Variants in CCDC110 observed in about 807,000 individuals in gnomAD.
The protein encoded by CCDC110 is coiled-coil domain-containing protein 110.
Under a neutral mutation model 77.1 loss-of-function variants are expected in CCDC110, and 70 were observed. The observed-to-expected ratio is 0.91, with a 90% CI of 0.75 to 1.11. The LOEUF is 1.11. Among genes scored for constraint, CCDC110 ranks in the 50% least tolerant of loss-of-function variants. The pLI is 0.00. For missense variants in CCDC110, 868 were observed against 942.9 expected, an observed-to-expected ratio of 0.92 and a Z score of 1.04; for synonymous variants, 295 against 312.5, an observed-to-expected ratio of 0.94 and a Z score of 0.59.
chr4:185,471,433 C>A (rs2095667473), intron 1 of CCDC110: 1 of 475,706 alleles, frequency 2.1e-6, no homozygotes, highest in Admixed American at 4.5e-5. Context: ...CAAGCGGCCA[C>A]CCGAGGGCGC....
At position 185,457,834 on chromosome 4, in the gene CCDC110, ATTCTT is replaced by A. The variant is rs778341132; in HGVS notation, c.2461+287_2461+291del. ...GGAATTCCTAGGGAAAAAAAAAAGA[ATTCTT>A]TTAAGGTGGGAGTGCTACTTATACT... On this transcript the variant is annotated intron_variant, in intron 6 of 6. Coordinates refer to ENST00000307588, the MANE Select transcript of CCDC110 (RefSeq NM_152775.4). 9 of 1,363,214 alleles carry A rather than the reference ATTCTT, an allele frequency of 6.6e-6. No homozygotes were observed. The South Asian group carries it at 1.3e-4, about 19-fold the overall frequency. The allele number at this position is 1,363,214 out of a possible 1,614,324, so 84.4% of individuals were successfully genotyped here.
intron 2 of CCDC110, 45 bp from the exon 3 acceptor site, chr4:185,463,094 T>G: frequency 1.3e-6 from 2 of 1,507,712 alleles, no homozygotes; most frequent in Non-Finnish European, 1.8e-6. Context: ...TTCTTAAATT[T>G]TATTTTTTAA....
chr4:185,460,109 C>T lies in CCDC110; in HGVS notation c.478G>A (p.Val160Ile). The T allele has an allele frequency of 1.2e-6, 2 of 1,613,708 alleles. No homozygotes were observed. Among genetic ancestry groups the T allele is most frequent in the Middle Eastern group, 1.7e-4 (1 of 6,056 alleles). Residue 160 changes from valine to isoleucine, a missense_variant, in exon 6 of 7, where the codon GTT (valine) becomes ATT (isoleucine). Val to Ile is a conservative substitution (Grantham distance 29, BLOSUM62 3). Coordinates refer to ENST00000307588, the MANE Select transcript of CCDC110 (RefSeq NM_152775.4). ...SVNSLPQSVN[V>I]PSQIHSEDTL... The stretch of plus-strand genomic sequence containing the variant: ...TCCTCGGAATGTATCTGGGATGGAA[C>T]ATTTACACTTTGAGGGAGACTGTTC...
rs2095608148 is a variant in CCDC110 at position 185,445,534 on chromosome 4, T to G, written c.2470A>C (p.Lys824Gln). Residue 824 changes from lysine to glutamine, a missense_variant, in exon 7 of 7, where the codon AAA becomes CAA. Transcript: ENST00000307588. ...TGCTTGAGAGTTCTGTCTTTAACTT[T>G]GAAATAACCTATGAAAATAGAAAAT... Reference protein sequence around the residue: ...PLASDLKGYFKVKDRTLKHH With the variant: ...PLASDLKGYFQVKDRTLKHH 5.1e-6 allele frequency: 8 copies of G among 1,560,536 alleles called. No individual in the cohort carries two copies. The highest frequency in any genetic ancestry group is 7.0e-6 in the Non-Finnish European group (8 of 1,138,324).
chr4:185,455,776 G>A lies in CCDC110; in HGVS notation c.2461+2350C>T, dbSNP rs80093682. Among the ~76,000 whole-genome samples the A allele has an allele frequency of 3.2e-3, 485 of 152,122 alleles. 3 individuals carry two copies. The highest frequency in any genetic ancestry group is 0.029 in the East Asian group (151 of 5,182). ...TAGGCGCCTGTAATCTCAGCTACTC[G>A]GGAGGCTGAGGCAGGAGAATTGCTG... On this transcript the variant is annotated intron_variant, in intron 6 of 6. Coordinates refer to ENST00000307588, the MANE Select transcript of CCDC110 (RefSeq NM_152775.4).
rs1458519309 is a variant in CCDC110, at chr4:185,458,952, T to C, written c.1635A>G (p.Gln545=). Reference sequence around the variant, plus strand: ...GAGTTTTGTGTTCCTTACTTTTTAGTTGATCTAATGCTTCCATCATTTGTT... The same window carrying C: ...GAGTTTTGTGTTCCTTACTTTTTAGCTGATCTAATGCTTCCATCATTTGTT... ...EKQQMMEALD[Q]LKSKEHKTQS... Residue 545 remains glutamine, a synonymous_variant, in exon 6 of 7, where the codon CAA becomes CAG. Transcript: ENST00000307588. The C allele has an allele frequency of 3.1e-6, 5 of 1,607,886 alleles. No homozygotes were observed. In the South Asian group the frequency reaches 3.3e-5, roughly 11 times the overall value.
intron 6 of CCDC110, among the ~76,000 whole-genome samples, chr4:185,447,067 G>A (rs2095614132): frequency 6.6e-6 from 1 of 152,042 alleles, no homozygotes; most frequent in Non-Finnish European, 1.5e-5. Context: ...CTCACATGGA[G>A]CTTCTACTGA....
chr4:185,470,729 G>A (rs1267232548), intron 2 of CCDC110: 5 of 637,878 alleles, frequency 7.8e-6, no homozygotes, highest in Admixed American at 4.2e-5. Flanking sequence ...GCAAAATGGG[G>A]ATCGTGGTAG....
chr4:185,454,004 G>T (rs1416963966), intron 6 of CCDC110, among the ~76,000 whole-genome samples: 2 of 151,950 alleles, frequency 1.3e-5, no homozygotes, highest in African/African-American at 4.8e-5. Flanking sequence ...TTTTAGTAGA[G>T]ATGGGGTTTC....
intron 6 of CCDC110, among the ~76,000 whole-genome samples, chr4:185,446,246 A>G (rs2095610844): frequency 6.6e-6 from 1 of 152,212 alleles, no homozygotes; most frequent in Non-Finnish European, 1.5e-5. Context: ...TTATGAATTA[A>G]AAATACCAGT....
intron 6 of CCDC110, chr4:185,457,113 T>G: frequency 2.8e-6 from 1 of 359,272 alleles, no homozygotes; most frequent in South Asian, 2.2e-5. Flanking sequence ...GTTTCAAAAT[T>G]AACATAATTT....
chr4:185,471,300 T>G (rs1580210513), intron 1 of CCDC110, among the ~76,000 whole-genome samples: 1 of 61,622 alleles, frequency 1.6e-5, no homozygotes, highest in African/African-American at 4.5e-5. Context: ...GCGGAGAGAC[T>G]GGGCGGGACC....
intron 4 of CCDC110, among the ~76,000 whole-genome samples, chr4:185,462,059 C>T (rs751709177): frequency 6.6e-6 from 1 of 152,164 alleles, no homozygotes; most frequent in Non-Finnish European, 1.5e-5. Flanking sequence ...GATCATGCCA[C>T]CACACTCCAG....
intron 2 of CCDC110, among the ~76,000 whole-genome samples, chr4:185,464,214 T>G (rs1191410875): frequency 6.6e-6 from 1 of 152,180 alleles, no homozygotes; most frequent in African/African-American, 2.4e-5. Context: ...CGAATCTCCT[T>G]TGGATTGGCA....
chr4:185,471,081 G>A (rs746520597), intron 1 of CCDC110, 32 bp from the exon 2 acceptor site: 2 of 1,347,798 alleles, frequency 1.5e-6, no homozygotes, highest in African/African-American at 2.6e-5. Context: ...CTGTTCTGTC[G>A]CGGGTCGTGG....
chr4:185,470,050 CA>C (rs1357467746), intron 2 of CCDC110, among the ~76,000 whole-genome samples: 4 of 152,224 alleles, frequency 2.6e-5, no homozygotes, highest in Non-Finnish European at 5.9e-5. Flanking sequence ...ACTCCACCTT[CA>C]ATGTCCTCAG....
At position 185,460,066 on chromosome 4, in the gene CCDC110, G is replaced by C; in HGVS notation, c.521C>G (p.Thr174Ser). 1 of 1,613,782 alleles carries C rather than the reference G, an allele frequency of 6.2e-7. No homozygotes were observed. Among genetic ancestry groups the C allele is most frequent in the East Asian group, 2.2e-5 (1 of 44,830 alleles). ...GTTTGAAGATAAATTGTCTGTTGAA[G>C]TTCTCAGAGTTAATGTGTCCTCGGA... Reference protein sequence around the residue: ...IHSEDTLTLRTSTDNLSSNII... With the variant: ...IHSEDTLTLRSSTDNLSSNII... Residue 174 changes from threonine to serine, a missense_variant, in exon 6 of 7, where the codon ACT becomes AGT. By Grantham distance (58) the Thr-to-Ser change is moderately conservative (BLOSUM62 1). Transcript: ENST00000307588.
At position 185,458,157 on chromosome 4, in the gene CCDC110, A is replaced by G; in HGVS notation, c.2430T>C (p.Pro810=). ...AATCCGAAGCCAAAGGCCTACTCTG[A>G]GGACTAGAAGTATCTTCGTGAGTAT... The part of the protein sequence containing the change: ...DNYTHEDTSS[P]QSRPLASDLK... Residue 810 remains proline, a synonymous_variant, in exon 6 of 7, where the codon CCT becomes CCC. Transcript: ENST00000307588. 1 of 1,581,040 alleles carries G rather than the reference A, an allele frequency of 6.3e-7. No individual in the cohort carries two copies. Among genetic ancestry groups the G allele is most frequent in the East Asian group, 2.3e-5 (1 of 44,320 alleles).
rs957510293 is a variant in CCDC110 at position 185,445,672 on chromosome 4, A to T, written c.2462-130T>A. On this transcript the variant is annotated intron_variant, in intron 6 of 6. Transcript: ENST00000307588. ...AGGTTTTGCATACTCTCAAAACTGA[A>T]AAAGTTCTTTGGAGTAAAAACAATC... 11 of 580,696 alleles carry T rather than the reference A, an allele frequency of 1.9e-5. No homozygotes were observed. The South Asian group carries it at 2.7e-4, about 14-fold the overall frequency. 36.0% of individuals were successfully genotyped at this position (580,696 alleles called of 1,614,324 possible).
Sources: gnomAD v4.1 joint callset for allele counts (sites outside exome capture counted in the v4.1 genomes callset) on GRCh38, gnomAD v4.1.1 for gene constraint, MANE v1.5 for transcripts, NCBI Gene and HGNC (gene_info 2026-07-23, HGNC 2026-07-21) for gene names.